Variants in CSMD1 observed in about 807,000 individuals in gnomAD.
CSMD1 encodes CUB and sushi domain-containing protein 1.
CSMD1 carries 213 observed loss-of-function variants against 417.5 expected under a neutral mutation model. The observed-to-expected ratio is 0.51, with a 90% CI of 0.46 to 0.57. CSMD1 has a LOEUF of 0.57. Among genes scored for constraint, CSMD1 ranks in the 20% least tolerant of loss-of-function variants. The pLI, the probability that CSMD1 is intolerant of heterozygous loss-of-function variation, is 0.00. For synonymous variants in CSMD1, 2,862 were observed against 1,736.8 expected (o/e 1.65, Z -16.11); for missense variants, 6,923 against 4,529.7 (o/e 1.53, Z -15.17).
In CSMD1 at chr8:4,032,687, C is replaced by T. The variant is rs538036268; in HGVS notation, c.416-588G>A. Among the ~76,000 whole-genome samples, 9 of 152,272 alleles carry T rather than the reference C, an allele frequency of 5.9e-5. No homozygotes were observed. In the East Asian group the frequency reaches 1.7e-3, roughly 29 times the overall value. Reference sequence around the variant, plus strand: ...AATGTTCCACTACTGTATTCCAGGCCAGCAGCCAGGCTCTGTCCATTTATA... The same window carrying T: ...AATGTTCCACTACTGTATTCCAGGCTAGCAGCCAGGCTCTGTCCATTTATA... On this transcript the variant is annotated intron_variant, in intron 3 of 69. Transcript: ENST00000635120.
chr8:3,760,164 C>G (rs1193065991), intron 5 of CSMD1, among the ~76,000 whole-genome samples: 2 of 151,972 alleles, frequency 1.3e-5, no homozygotes, highest in African/African-American at 4.8e-5. Flanking sequence ...TTTGACATGC[C>G]CTATTTCTGG....
At chr8:2,995,429 C>G (rs1000278099) in intron 54 of CSMD1, among the ~76,000 whole-genome samples, 1 of 152,166 alleles carries the variant, frequency 6.6e-6, no homozygotes, top group African/African-American at 2.4e-5. Context: ...AACTTCATCG[C>G]CCACACATGT....
At chr8:4,657,942 G>T (rs1257695857) in intron 1 of CSMD1, among the ~76,000 whole-genome samples, 1 of 151,912 alleles carries the variant, frequency 6.6e-6, no homozygotes, top group African/African-American at 2.4e-5. Context: ...AATAACTGAT[G>T]CTATAAACTC....
chr8:3,217,946 A>T (rs1481108858), intron 29 of CSMD1, among the ~76,000 whole-genome samples: 1 of 152,002 alleles, frequency 6.6e-6, no homozygotes, highest in Non-Finnish European at 1.5e-5. Context: ...GTGAATTGAT[A>T]TTTTGTTAAG....
intron 8 of CSMD1, among the ~76,000 whole-genome samples, chr8:3,600,385 A>C (rs554742954): frequency 1.3e-5 from 2 of 152,158 alleles, no homozygotes; most frequent in African/African-American, 2.4e-5. Flanking sequence ...CTAACTAGCT[A>C]CTCTATTTCC....
chr8:4,435,454 C>G (rs905184941), intron 2 of CSMD1, among the ~76,000 whole-genome samples: 1 of 152,188 alleles, frequency 6.6e-6, no homozygotes, highest in Admixed American at 6.5e-5. Context: ...AAACTTATCA[C>G]TGGTTTCCAC....
At chr8:3,855,975 ATC>A (rs1249624839) in intron 5 of CSMD1, among the ~76,000 whole-genome samples, 1 of 152,172 alleles carries the variant, frequency 6.6e-6, no homozygotes, top group Non-Finnish European at 1.5e-5. Context: ...GTTTCATGAT[ATC>A]TGTCAGTATT....
chr8:3,119,058 T>C (rs903370036), intron 41 of CSMD1, among the ~76,000 whole-genome samples: 2 of 151,932 alleles, frequency 1.3e-5, no homozygotes, highest in Admixed American at 6.6e-5. Context: ...CGGGCGCCTG[T>C]AGTCCCAGCT....
chr8:3,155,223 T>G (rs1175358813), intron 39 of CSMD1, among the ~76,000 whole-genome samples: 2 of 152,016 alleles, frequency 1.3e-5, no homozygotes, highest in Non-Finnish European at 2.9e-5. Flanking sequence ...TTTAAAAAAT[T>G]TCAATTCCTG....
At chr8:4,834,966 AAAAAAAAAAAAAAAGAAAGAAAG>A (rs1800380019) in intron 1 of CSMD1, among the ~76,000 whole-genome samples, 1 of 41,436 alleles carries the variant, frequency 2.4e-5, no homozygotes, top group African/African-American at 4.6e-5. Flanking sequence ...CAAAAAAAAA[AAAAAAAAAAAAAAAGAAAGAAAG>A]AAAGAAAGAA....
intron 12 of CSMD1, among the ~76,000 whole-genome samples, chr8:3,421,039 T>C (rs1028126637): frequency 1.3e-5 from 2 of 152,226 alleles, no homozygotes; most frequent in African/African-American, 4.8e-5. Context: ...AAAGTTTTAC[T>C]GTGGTGGTGG....
At position 3,820,387 on chromosome 8, in the gene CSMD1, G is replaced by T. The variant is rs7817535; in HGVS notation, c.819-66345C>A. On this transcript the variant is annotated intron_variant, in intron 5 of 69. Coordinates refer to ENST00000635120, the MANE Select transcript of CSMD1 (RefSeq NM_033225.6). ...GGTGTTTGAACTGAGTACCAAAGAA[G>T]GACTAAAAGTGAGTCATATACATTA... Among the ~76,000 whole-genome samples, 507 of 152,224 alleles carry T rather than the reference G, an allele frequency of 3.3e-3. 3 individuals carry two copies. Among genetic ancestry groups the T allele is most frequent in the African/African-American group, 0.012 (493 of 41,524 alleles).
intron 5 of CSMD1, among the ~76,000 whole-genome samples, chr8:3,970,805 T>G (rs1813028873): frequency 6.6e-6 from 1 of 152,028 alleles, no homozygotes. Context: ...CAGGCTGGAG[T>G]CCAGGGGCAC....
intron 23 of CSMD1, among the ~76,000 whole-genome samples, chr8:3,335,992 G>T (rs148705250): frequency 1.3e-5 from 2 of 152,068 alleles, no homozygotes; most frequent in Non-Finnish European, 2.9e-5. Flanking sequence ...TGCAGAGGAC[G>T]ATGAGTAATC....
At chr8:3,304,146 C>A (rs1050951518) in intron 25 of CSMD1, among the ~76,000 whole-genome samples, 5 of 152,040 alleles carry the variant, frequency 3.3e-5, no homozygotes, top group Non-Finnish European at 7.4e-5. Context: ...AAAATATTTA[C>A]ATTAAGATAT....
chr8:3,954,653 C>A (rs112495377), intron 5 of CSMD1, among the ~76,000 whole-genome samples: 1 of 152,248 alleles, frequency 6.6e-6, no homozygotes, highest in East Asian at 1.9e-4. Context: ...TGAGCCACCG[C>A]ACCTGGCCGG....
intron 4 of CSMD1, among the ~76,000 whole-genome samples, chr8:4,024,805 C>A (rs1452899460): frequency 1.3e-5 from 2 of 152,192 alleles, no homozygotes; most frequent in South Asian, 4.1e-4. Context: ...TGACTGGGAA[C>A]TTCCTGAGTA....
intron 3 of CSMD1, among the ~76,000 whole-genome samples, chr8:4,056,447 T>C (rs1160889914): frequency 6.6e-6 from 1 of 151,962 alleles, no homozygotes; most frequent in East Asian, 1.9e-4. Context: ...TTAAAATTTA[T>C]TTATGATATT....
chr8:4,323,114 C>G (rs1053789856), intron 3 of CSMD1, among the ~76,000 whole-genome samples: 1 of 152,200 alleles, frequency 6.6e-6, no homozygotes, highest in African/African-American at 2.4e-5. Context: ...TTTAATGAGA[C>G]ATTAATTGGT....
Sources: allele counts gnomAD v4.1 joint callset (sites outside exome capture counted in the v4.1 genomes callset), GRCh38; gene constraint gnomAD v4.1.1; transcripts MANE v1.5; gene names NCBI Gene and HGNC (gene_info 2026-07-23, HGNC 2026-07-21).